SKOR1: variants seen among roughly 807,000 people sequenced by gnomAD.
SKOR1 encodes LBX1 corepressor 1.
A neutral mutation model predicts 72.4 loss-of-function variants in SKOR1; 38 were observed. The observed-to-expected ratio is 0.52, with a 90% CI of 0.40 to 0.69. SKOR1 has a LOEUF of 0.69. Ranked by LOEUF, SKOR1 falls within the 30% of genes least tolerant of loss-of-function variation. SKOR1 has a pLI of 0.00. For synonymous variants in SKOR1, 642 were observed against 599.4 expected (o/e 1.07, Z -1.04); for missense variants, 1,320 against 1,343.2 (o/e 0.98, Z 0.27).
rs2091028564 is a variant in SKOR1, at chr15:67,833,956, C to T, written c.*120C>T. On this transcript the variant is annotated 3_prime_UTR_variant, in exon 9 of 9. Coordinates refer to ENST00000380035, the MANE Select transcript of SKOR1 (RefSeq NM_001365915.1). The surrounding 1 kb of genome is among the most constrained non-coding windows in gnomAD (Gnocchi z 6.0). Reference sequence around the variant, plus strand: ...GACCCGACCGATGTAAATACAGCCGCCCGTCCGCCCGCCTTCCTCCCGGGC... The same window carrying T: ...GACCCGACCGATGTAAATACAGCCGTCCGTCCGCCCGCCTTCCTCCCGGGC... 1 of 1,090,792 alleles carries T rather than the reference C, an allele frequency of 9.2e-7. No individual in the cohort carries two copies. Among genetic ancestry groups the T allele is most frequent in the South Asian group, 1.3e-5 (1 of 77,810 alleles). 67.6% of individuals were successfully genotyped at this position (1,090,792 alleles called of 1,614,324 possible). A position where few individuals can be genotyped will look rare whatever the true frequency, so the allele number is the denominator to read the frequency against.
Position 67,826,901 on chromosome 15 carries a change from C to T in SKOR1, c.1073C>T (p.Ala358Val). 6.4e-7 allele frequency: 1 copy of T among 1,552,210 alleles called. No homozygotes were observed. Among genetic ancestry groups the T allele is most frequent in the Non-Finnish European group, 8.7e-7 (1 of 1,155,482 alleles). Residue 358 changes from alanine to valine, a missense_variant, in exon 2 of 9, where the codon GCG becomes GTG. Physicochemically the swap from Ala to Val is moderately conservative, Grantham distance 64. Coordinates refer to ENST00000380035, the MANE Select transcript of SKOR1 (RefSeq NM_001365915.1). ...CTGGCGACTGGAGCTAGTGGCCCGG[C>T]GGGCCCAGGAGGGCCCGGTGGCGGC... is the stretch of plus-strand genomic sequence containing the variant. ...LGLATGASGPAGPGGPGGGAG... is the reference protein window; with the variant it reads ...LGLATGASGPVGPGGPGGGAG...
In SKOR1 at chr15:67,825,796, C is replaced by A; in HGVS notation, c.107+87C>A. On this transcript the variant is annotated intron_variant, in intron 1 of 8. Coordinates refer to ENST00000380035, the MANE Select transcript of SKOR1 (RefSeq NM_001365915.1). The surrounding 1 kb of genome is among the most constrained non-coding windows in gnomAD (Gnocchi z 5.6). ...GGTCTGAGTAACAAAAGACGCCTGT[C>A]CAGGGGGTGAATGAGTTTGGACTCC... 4 of 1,493,756 alleles carry A rather than the reference C, an allele frequency of 2.7e-6. No individual in the cohort carries two copies. The highest frequency in any genetic ancestry group is 3.7e-6 in the Non-Finnish European group (4 of 1,091,654). 92.5% of individuals were successfully genotyped at this position (1,493,756 alleles called of 1,614,324 possible). A position where few individuals can be genotyped will look rare whatever the true frequency, so the allele number is the denominator to read the frequency against.
chr15:67,827,249 C>T lies in SKOR1; in HGVS notation c.1421C>T (p.Ala474Val). 6.3e-7 allele frequency: 1 copy of T among 1,575,378 alleles called. No homozygotes were observed. The highest frequency in any genetic ancestry group is 8.6e-7 in the Non-Finnish European group (1 of 1,169,262). ...TCCGGGGCAGCCAAGGACGCAGCGG[C>T]AGTGGCTGCAGCGGCCGCCGCCGCC... is the stretch of plus-strand genomic sequence containing the variant. ...QPSGAAKDAA[A>V]VAAAAAAATV... Residue 474 changes from alanine (A) to valine (V), a missense_variant, in exon 2 of 9, where the codon GCA becomes GTA. Physicochemically the swap from Ala to Val is moderately conservative, Grantham distance 64. Transcript: ENST00000380035.
In SKOR1 at chr15:67,825,952, G is replaced by T. The variant is rs1465192084; in HGVS notation, c.124G>T (p.Ala42Ser). The T allele has an allele frequency of 6.6e-7, 1 of 1,518,676 alleles. No homozygotes were observed. The highest frequency in any genetic ancestry group is 1.3e-5 in the South Asian group (1 of 75,838). The allele number at this position is 1,518,676 out of a possible 1,614,324, so 94.1% of individuals were successfully genotyped here. A position where few individuals can be genotyped will look rare whatever the true frequency, so the allele number is the denominator to read the frequency against. Residue 42 changes from alanine (A) to serine (S), a missense_variant, in exon 2 of 9, where the codon GCT becomes TCT. Coordinates refer to ENST00000380035, the MANE Select transcript of SKOR1 (RefSeq NM_001365915.1). This position sits in a 1 kb window ranked among gnomAD's most constrained non-coding sequence, Gnocchi z 5.6. The part of the protein sequence containing the change: ...RAFLRSGGME[A>S]LTTQLGPGRE... ...ATTTCGCAGGAGCGGCGGCATGGAG[G>T]CTCTCACCACTCAGCTGGGGCCGGG...
chr15:67,830,264 T>A lies in SKOR1; in HGVS notation c.2481T>A (p.Ser827Arg), dbSNP rs760243942. 46 of 1,613,744 alleles carry A rather than the reference T, an allele frequency of 2.9e-5. 1 individual carries two copies. The South Asian group carries it at 4.3e-4, about 15-fold the overall frequency. Residue 827 changes from serine (S) to arginine (R), a missense_variant, in exon 4 of 9, where the codon AGT becomes AGA. Transcript: ENST00000380035. Reference sequence around the variant, plus strand: ...GGAAATCCTATCCAGACCAAAGGAGTATCTCCCAGCCAAGTCCTGCAAATA... The same window carrying A: ...GGAAATCCTATCCAGACCAAAGGAGAATCTCCCAGCCAAGTCCTGCAAATA... ...ETRKSYPDQRSISQPSPANTD... is the reference protein window; with the variant it reads ...ETRKSYPDQRRISQPSPANTD...
rs1236371224 is a variant in SKOR1, at chr15:67,833,090, C to A, written c.2738-102C>A. On this transcript the variant is annotated intron_variant, in intron 7 of 8. Transcript: ENST00000380035. This position sits in a 1 kb window ranked among gnomAD's most constrained non-coding sequence, Gnocchi z 6.0. The stretch of plus-strand genomic sequence containing the variant: ...TCCCCCATCCCTGGAGTTGTTTCTG[C>A]GCGGAGCTTAGCCCTGGGGAGAGGA... 8 of 1,236,484 alleles carry A rather than the reference C, an allele frequency of 6.5e-6. No individual in the cohort carries two copies. The Admixed American group carries it at 1.3e-4, about 20-fold the overall frequency. 76.6% of individuals were successfully genotyped at this position (1,236,484 alleles called of 1,614,324 possible).
chr15:67,834,069 T>G lies in SKOR1; in HGVS notation c.*233T>G. 3.5e-6 allele frequency: 2 copies of G among 576,454 alleles called. No homozygotes were observed. The highest frequency in any genetic ancestry group is 6.3e-6 in the Non-Finnish European group (2 of 318,332). The allele number at this position is 576,454 out of a possible 1,614,324, so 35.7% of individuals were successfully genotyped here. ...TGTAAATACCGCCTCGCGCCTCAAA[T>G]CCCCCTACCCCGTGTGAACTCTAGG... On this transcript the variant is annotated 3_prime_UTR_variant, in exon 9 of 9. Coordinates refer to ENST00000380035, the MANE Select transcript of SKOR1 (RefSeq NM_001365915.1). The surrounding 1 kb of genome is among the most constrained non-coding windows in gnomAD (Gnocchi z 5.8).
intron 3 of SKOR1, 71 bp from the exon 4 acceptor site, chr15:67,830,120 C>A: frequency 6.6e-7 from 1 of 1,517,040 alleles, no homozygotes; most frequent in Non-Finnish European, 9.1e-7. Context: ...GCGCCCCGAC[C>A]GCGGCAGCTC....
Position 67,826,111 on chromosome 15 carries a change from C to A in SKOR1, c.283C>A (p.Gln95Lys). Residue 95 changes from glutamine (Q) to lysine (K), a missense_variant, in exon 2 of 9, where the codon CAG becomes AAG. Physicochemically the swap from Gln to Lys is moderately conservative, Grantham distance 53 (BLOSUM62 1). This residue lies in a region of SKOR1 where 120 missense variants were observed against 104.9 expected (regional missense o/e 1.14). Transcript: ENST00000380035. ...CATTGTGTCGCTGGTCATCGACGGCCAGGAGCGCCTATGCCTGGCGCAGAT... is the reference window on the plus strand; with the variant it reads ...CATTGTGTCGCTGGTCATCGACGGCAAGGAGCGCCTATGCCTGGCGCAGAT... ...VPIVSLVIDG[Q>K]ERLCLAQISN... 1 of 1,600,382 alleles carries A rather than the reference C, an allele frequency of 6.2e-7. No homozygotes were observed. Among genetic ancestry groups the A allele is most frequent in the Non-Finnish European group, 8.5e-7 (1 of 1,170,536 alleles).
Position 67,827,451 on chromosome 15 carries a change from A to T in SKOR1, c.1623A>T (p.Pro541=). 1 of 1,521,966 alleles carries T rather than the reference A, an allele frequency of 6.6e-7. No individual in the cohort carries two copies. The highest frequency in any genetic ancestry group is 8.8e-7 in the Non-Finnish European group (1 of 1,141,706). The allele number at this position is 1,521,966 out of a possible 1,614,324, so 94.3% of individuals were successfully genotyped here. ...CAGAGCCCCTGGACGGTGCCGAGCCAGCCAAAGAGAGTGGCCTCGGCGCGG... is the reference window on the plus strand; with the variant it reads ...CAGAGCCCCTGGACGGTGCCGAGCCTGCCAAAGAGAGTGGCCTCGGCGCGG... The part of the protein sequence containing the change: ...GAPEPLDGAE[P]AKESGLGAEE... Residue 541 remains proline, a synonymous_variant, in exon 2 of 9, where the codon CCA becomes CCT. Transcript: ENST00000380035.
rs1255894398 is a variant in SKOR1, at chr15:67,827,207, T to C, written c.1379T>C (p.Phe460Ser). Reference protein sequence around the residue: ...AGAGPGGGAMFWGHQPSGAAK... With the variant: ...AGAGPGGGAMSWGHQPSGAAK... ...GCGGGCCCGGGCGGCGGCGCCATGT[T>C]CTGGGGGCATCAACCCTCCGGGGCA... The change falls in exon 2 of 9, where the codon TTC becomes TCC. Residue 460 changes from phenylalanine to serine, a missense_variant. Coordinates refer to ENST00000380035, the MANE Select transcript of SKOR1 (RefSeq NM_001365915.1). The C allele has an allele frequency of 6.5e-7, 1 of 1,536,198 alleles. No homozygotes were observed. The highest frequency in any genetic ancestry group is 8.7e-7 in the Non-Finnish European group (1 of 1,150,496).
At chr15:67,828,362 C>A (rs1306973156) in intron 2 of SKOR1, among the ~76,000 whole-genome samples, 1 of 152,038 alleles carries the variant, frequency 6.6e-6, no homozygotes, top group African/African-American at 2.4e-5. Flanking sequence ...CTGGGGGCGG[C>A]GGGAGGACTG....
chr15:67,833,054 C>A lies in SKOR1; in HGVS notation c.2738-138C>A, dbSNP rs950069891. The A allele has an allele frequency of 1.5e-4, 125 of 855,516 alleles. No homozygotes were observed. In the African/African-American group the frequency reaches 1.8e-3, roughly 13 times the overall value. The allele number at this position is 855,516 out of a possible 1,614,324, so 53.0% of individuals were successfully genotyped here. A position where few individuals can be genotyped will look rare whatever the true frequency, so the allele number is the denominator to read the frequency against. On this transcript the variant is annotated intron_variant, in intron 7 of 8. Transcript: ENST00000380035. This position sits in a 1 kb window ranked among gnomAD's most constrained non-coding sequence, Gnocchi z 6.0. ...CTCCGCCAGTCTGCAGTTAGGAGCT[C>A]CGGTACCCCCTCCCCCATCCCTGGA...
Position 67,827,506 on chromosome 15 carries a change from G to A in SKOR1, c.1678G>A (p.Gly560Arg), listed in dbSNP as rs572321016. 7 of 1,523,080 alleles carry A rather than the reference G, an allele frequency of 4.6e-6. No individual in the cohort carries two copies. The African/African-American group carries it at 5.6e-5, about 12-fold the overall frequency. The allele number at this position is 1,523,080 out of a possible 1,614,324, so 94.3% of individuals were successfully genotyped here. A position where few individuals can be genotyped will look rare whatever the true frequency, so the allele number is the denominator to read the frequency against. ...GCGCTGCCCGAGCGCTCTGTCCCGC[G>A]GGCCCCTGGACGAAGACGGCACGGA... is the stretch of plus-strand genomic sequence containing the variant. ...EERCPSALSRGPLDEDGTDEA... is the reference protein window; with the variant it reads ...EERCPSALSRRPLDEDGTDEA... The change falls in exon 2 of 9, where the codon GGG becomes AGG. Residue 560 changes from glycine to arginine, a missense_variant. Coordinates refer to ENST00000380035, the MANE Select transcript of SKOR1 (RefSeq NM_001365915.1).
rs1390597062 is a variant in SKOR1 at position 67,827,241 on chromosome 15, CGCAGCGGCAGTGGCT to C, written c.1422_1436del (p.Val475_Ala479del). On this transcript the variant is annotated inframe_deletion, in exon 2 of 9. Transcript: ENST00000380035. The stretch of plus-strand genomic sequence containing the variant: ...ATCAACCCTCCGGGGCAGCCAAGGA[CGCAGCGGCAGTGGCT>C]GCAGCGGCCGCCGCCGCCACTGTGT... 2 of 1,575,002 alleles carry C rather than the reference CGCAGCGGCAGTGGCT, an allele frequency of 1.3e-6. No individual in the cohort carries two copies. Among genetic ancestry groups the C allele is most frequent in the Non-Finnish European group, 1.7e-6 (2 of 1,169,002 alleles).
Position 67,830,229 on chromosome 15 carries a change from T to A in SKOR1, c.2446T>A (p.Leu816Met), listed in dbSNP as rs1249314167. 2 of 1,614,180 alleles carry A rather than the reference T, an allele frequency of 1.2e-6. No individual in the cohort carries two copies. The highest frequency in any genetic ancestry group is 2.2e-5 in the East Asian group (1 of 44,874). ...KEDNHSPADD[L>M]ETRKSYPDQR... The stretch of plus-strand genomic sequence containing the variant: ...AGACAATCACTCGCCCGCCGATGAT[T>A]TGGAAACGAGGAAATCCTATCCAGA... Residue 816 changes from leucine to methionine, a missense_variant, in exon 4 of 9, where the codon TTG becomes ATG. Around this residue, in one of 3 missense-constraint regions of SKOR1, gnomAD observed 1,099 missense variants for 1,025.5 expected, o/e 1.07. Transcript: ENST00000380035.
In SKOR1 at chr15:67,830,208, A is replaced by G. The variant is rs765811329; in HGVS notation, c.2425A>G (p.Asn809Asp). Residue 809 changes from asparagine (N) to aspartate (D), a missense_variant, in exon 4 of 9, where the codon AAT becomes GAT. Around this residue, in one of 3 missense-constraint regions of SKOR1, gnomAD observed 1,099 missense variants for 1,025.5 expected, o/e 1.07. Coordinates refer to ENST00000380035, the MANE Select transcript of SKOR1 (RefSeq NM_001365915.1). ...PEAHEPDKED[N>D]HSPADDLETR... is the part of the protein sequence containing the mutation. Reference sequence around the variant, plus strand: ...CCTTCAAGAGCCAGATAAGGAAGACAATCACTCGCCCGCCGATGATTTGGA... The same window carrying G: ...CCTTCAAGAGCCAGATAAGGAAGACGATCACTCGCCCGCCGATGATTTGGA... 6 of 1,614,056 alleles carry G rather than the reference A, an allele frequency of 3.7e-6. No individual in the cohort carries two copies. The highest frequency in any genetic ancestry group is 1.6e-4 in the Middle Eastern group (1 of 6,084).
chr15:67,834,127 G>T lies in SKOR1; in HGVS notation c.*291G>T, dbSNP rs567699918. 2 of 485,076 alleles carry T rather than the reference G, an allele frequency of 4.1e-6. No individual in the cohort carries two copies. The highest frequency in any genetic ancestry group is 7.6e-6 in the Non-Finnish European group (2 of 262,994). The allele number at this position is 485,076 out of a possible 1,614,324, so 30.0% of individuals were successfully genotyped here. ...ACCTCAAGGGGTTAACTGGACAGACGGGGGGCGGGAGGGGAGAGCGCCCCC... is the reference window on the plus strand; with the variant it reads ...ACCTCAAGGGGTTAACTGGACAGACTGGGGGCGGGAGGGGAGAGCGCCCCC... On this transcript the variant is annotated 3_prime_UTR_variant, in exon 9 of 9. Coordinates refer to ENST00000380035, the MANE Select transcript of SKOR1 (RefSeq NM_001365915.1). This position sits in a 1 kb window ranked among gnomAD's most constrained non-coding sequence, Gnocchi z 5.8.
At position 67,827,998 on chromosome 15, in the gene SKOR1, G is replaced by A. The variant is rs1316110680; in HGVS notation, c.2170G>A (p.Gly724Arg). 6.5e-7 allele frequency: 1 copy of A among 1,539,090 alleles called. No homozygotes were observed. Among genetic ancestry groups the A allele is most frequent in the Admixed American group, 2.0e-5 (1 of 49,742 alleles). ...GGSPRPRRRLGPPPAGRPAFG... is the reference protein window; with the variant it reads ...GGSPRPRRRLRPPPAGRPAFG... ...CAGCCCCCGCCCCCGGCGCCGCCTC[G>A]GGCCACCCCCAGCTGGCCGGCCCGC... The change falls in exon 2 of 9, where the codon GGG becomes AGG. Residue 724 changes from glycine (G) to arginine (R), a missense_variant. Coordinates refer to ENST00000380035, the MANE Select transcript of SKOR1 (RefSeq NM_001365915.1).
Sources: gnomAD v4.1 joint callset for allele counts (sites outside exome capture counted in the v4.1 genomes callset) on GRCh38, gnomAD v4.1.1 for gene constraint, gnomAD v4.1.1 regional missense constraint, Gnocchi (gnomAD v3.1) non-coding constraint, MANE v1.5 for transcripts, NCBI Gene and HGNC (gene_info 2026-07-23, HGNC 2026-07-21) for gene names.